Variants in SEC14L5 observed in about 807,000 individuals in gnomAD.
SEC14L5 encodes SEC14 like lipid binding 5, also known as SEC14-like protein 5.
SEC14L5 carries 96 observed loss-of-function variants against 84.6 expected under a neutral mutation model. The ratio of observed to expected loss-of-function variants is 1.13; its 90% confidence interval spans 0.96 to 1.34. The LOEUF (loss-of-function observed/expected upper bound fraction) is 1.34, where lower values mean the gene tolerates loss of function less well. Ranked by LOEUF, SEC14L5 falls within the 40% of genes most tolerant of loss-of-function variation. The probability of loss-of-function intolerance (pLI) is 0.00; values close to 1 mark genes in which losing one functional copy is unlikely to be tolerated. For missense variants in SEC14L5, 1,224 were observed against 942.5 expected, an observed-to-expected ratio of 1.30 and a Z score of -3.91; for synonymous variants, 546 against 383.4, an observed-to-expected ratio of 1.42 and a Z score of -4.95.
intron 2 of SEC14L5, among the ~76,000 whole-genome samples, chr16:4,974,121 A>G (rs779457466): frequency 5.3e-5 from 8 of 152,170 alleles, no homozygotes; most frequent in Non-Finnish European, 1.0e-4. Flanking sequence ...TGAAGGATAC[A>G]GGGCTTCTTT....
At chr16:5,007,029 G>C (rs1029059577) in intron 12 of SEC14L5, among the ~76,000 whole-genome samples, 2 of 152,112 alleles carry the variant, frequency 1.3e-5, no homozygotes, top group Non-Finnish European at 2.9e-5. Context: ...CTGTCAGTCC[G>C]GCACCGGGGT....
intron 2 of SEC14L5, among the ~76,000 whole-genome samples, chr16:4,969,968 C>A (rs1300809776): frequency 1.3e-5 from 2 of 152,036 alleles, no homozygotes; most frequent in African/African-American, 2.4e-5. Context: ...CAGGCACACA[C>A]AACCATGCTA....
chr16:5,003,624 G>GGGCCCC, intron 11 of SEC14L5, 51 bp downstream of exon 11: 2 of 305,312 alleles, frequency 6.6e-6, no homozygotes, highest in Non-Finnish European at 1.3e-5. Flanking sequence ...GGTGGGATGG[G>GGGCCCC]AGGGGTTCCG....
chr16:4,971,637 C>G (rs1317406318), intron 2 of SEC14L5, among the ~76,000 whole-genome samples: 1 of 152,194 alleles, frequency 6.6e-6, no homozygotes. Context: ...ACCTAGCTCT[C>G]TGAAGGTAGA....
intron 15 of SEC14L5, among the ~76,000 whole-genome samples, chr16:5,011,947 T>G (rs1558561): frequency 2.6e-5 from 4 of 152,020 alleles, no homozygotes; most frequent in South Asian, 2.1e-4. Context: ...AAAGCACTTA[T>G]GATTTTGCAC....
In SEC14L5 at chr16:5,005,990, G is replaced by T; in HGVS notation, c.1379G>T (p.Gly460Val). 1.9e-6 allele frequency: 3 copies of T among 1,613,786 alleles called. No homozygotes were observed. Among genetic ancestry groups the T allele is most frequent in the Non-Finnish European group, 2.5e-6 (3 of 1,179,782 alleles). ...GGCAGCAACTACCAGGGACCCGGAG[G>T]CCTTGTGGACTATCTGGATAGAGAA... is the stretch of plus-strand genomic sequence containing the variant. ...YSGSNYQGPG[G>V]LVDYLDREVI... Residue 460 changes from glycine to valine, a missense_variant, in exon 12 of 16, where the codon GGC becomes GTC. Coordinates refer to ENST00000251170, the MANE Select transcript of SEC14L5 (RefSeq NM_014692.2).
At chr16:5,010,991 G>A in intron 14 of SEC14L5, 104 bp from the exon 15 acceptor site, 1 of 1,125,202 alleles carries the variant, frequency 8.9e-7, no homozygotes. Context: ...AGGGAGAAGA[G>A]CCCCAATTTC....
intron 15 of SEC14L5, among the ~76,000 whole-genome samples, chr16:5,012,540 A>G (rs1349101802): frequency 1.3e-5 from 2 of 152,246 alleles, no homozygotes; most frequent in Non-Finnish European, 2.9e-5. Flanking sequence ...CTCACACCCA[A>G]GTATAACTAT....
chr16:5,019,034 T>G lies in SEC14L5; in HGVS notation c.*4064T>G, dbSNP rs974046786. The G allele has an allele frequency of 8.5e-5, 13 of 152,182 alleles. No homozygotes were observed. Among genetic ancestry groups the G allele is most frequent in the African/African-American group, 2.7e-4 (11 of 41,432 alleles). The allele number at this position is 152,182 out of a possible 1,614,324, so 9.4% of individuals were successfully genotyped here. On this transcript the variant is annotated 3_prime_UTR_variant, in exon 16 of 16. Transcript: ENST00000251170. The stretch of plus-strand genomic sequence containing the variant: ...TTCCCGTGGGCTCGTTCAAGAACTT[T>G]CCAGCTGTTGTTTAAAAGACTTTAG...
intron 3 of SEC14L5, 138 bp from the exon 4 acceptor site, chr16:4,988,011 G>C (rs1955511694): frequency 2.1e-6 from 2 of 932,102 alleles, no homozygotes; most frequent in Admixed American, 2.3e-5. Context: ...TCCTGGGTCC[G>C]GGCTGGGTGG....
intron 2 of SEC14L5, among the ~76,000 whole-genome samples, chr16:4,981,051 A>G (rs1955417356): frequency 6.7e-6 from 1 of 150,362 alleles, no homozygotes; most frequent in Non-Finnish European, 1.5e-5. Context: ...AGGGCAGATC[A>G]CACAGGGCCC....
In SEC14L5 at chr16:5,000,920, C is replaced by T. The variant is rs1568141018; in HGVS notation, c.1125C>T (p.Pro375=). Residue 375 remains proline (P), a synonymous_variant, in exon 10 of 16, where the codon CCC becomes CCT. Transcript: ENST00000251170. ...GGAGCACAAGGCAGCTGGGCCGTCC[C>T]ATCAGGCAAACACCTGGGCTGGGCA... ...CEGSTRQLGR[P]ISSWTCLLDL... is the part of the protein sequence containing the mutation. 1 of 1,605,668 alleles carries T rather than the reference C, an allele frequency of 6.2e-7. No individual in the cohort carries two copies. Among genetic ancestry groups the T allele is most frequent in the Non-Finnish European group, 8.5e-7 (1 of 1,176,220 alleles).
At chr16:4,993,574 C>G (rs2142509362) in intron 6 of SEC14L5, among the ~76,000 whole-genome samples, 1 of 152,248 alleles carries the variant, frequency 6.6e-6, no homozygotes, top group African/African-American at 2.4e-5. Context: ...TAGCTAGTTC[C>G]CTATTGAAGG....
intron 1 of SEC14L5, among the ~76,000 whole-genome samples, chr16:4,959,036 G>T: frequency 6.6e-6 from 1 of 151,768 alleles, no homozygotes; most frequent in African/African-American, 2.4e-5. Flanking sequence ...GGGGGTAGAG[G>T]AAAGTTTGGG....
chr16:4,984,431 C>T (rs781755267), intron 2 of SEC14L5, among the ~76,000 whole-genome samples: 9 of 152,242 alleles, frequency 5.9e-5, no homozygotes, highest in Admixed American at 3.9e-4. Flanking sequence ...GATTTATTCC[C>T]TCATCCGTTG....
intron 14 of SEC14L5, among the ~76,000 whole-genome samples, chr16:5,009,664 A>G (rs141627906): frequency 6.6e-6 from 1 of 152,188 alleles, no homozygotes; most frequent in East Asian, 1.9e-4. Context: ...ATTTCCAGAT[A>G]AGGTCACGTT....
At chr16:4,982,997 T>C (rs1955442248) in intron 2 of SEC14L5, among the ~76,000 whole-genome samples, 1 of 152,096 alleles carries the variant, frequency 6.6e-6, no homozygotes, top group Non-Finnish European at 1.5e-5. Context: ...CTCATATATT[T>C]ATTTATATAT....
At chr16:4,976,300 C>A (rs1009440324) in intron 2 of SEC14L5, among the ~76,000 whole-genome samples, 2 of 152,158 alleles carry the variant, frequency 1.3e-5, no homozygotes, top group African/African-American at 2.4e-5. Flanking sequence ...GAGCAGAGAT[C>A]CCAACCCAGG....
chr16:5,017,410 A>T lies in SEC14L5; in HGVS notation c.*2440A>T, dbSNP rs537185595. 1 of 152,258 alleles carries T rather than the reference A, an allele frequency of 6.6e-6. No homozygotes were observed. The highest frequency in any genetic ancestry group is 1.5e-5 in the Non-Finnish European group (1 of 68,088). The allele number at this position is 152,258 out of a possible 1,614,324, so 9.4% of individuals were successfully genotyped here. On this transcript the variant is annotated 3_prime_UTR_variant, in exon 16 of 16. Transcript: ENST00000251170. ...GAGCTTAATGTCCTCAGGCCTCTCA[A>T]CTGCACCCAGGCCTCTTGACTCTGC...
Sources: allele counts gnomAD v4.1 joint callset (sites outside exome capture counted in the v4.1 genomes callset), GRCh38; gene constraint gnomAD v4.1.1; transcripts MANE v1.5; gene names NCBI Gene and HGNC (gene_info 2026-07-23, HGNC 2026-07-21).